CCSER1: variants seen among roughly 807,000 people sequenced by gnomAD.
The protein encoded by CCSER1 is serine-rich coiled-coil domain-containing protein 1.
A neutral mutation model predicts 82.0 loss-of-function variants in CCSER1; 41 were observed. The ratio of observed to expected loss-of-function variants is 0.50; its 90% confidence interval spans 0.39 to 0.65. The LOEUF is 0.65. CCSER1 is among the 30% of genes least tolerant of loss of function. CCSER1 has a pLI of 0.00. For synonymous variants in CCSER1, 414 were observed against 383.9 expected (o/e 1.08, Z -0.92); for missense variants, 1,119 against 1,064.2 (o/e 1.05, Z -0.72).
intron 10 of CCSER1, among the ~76,000 whole-genome samples, chr4:91,406,476 C>T (rs185515652): frequency 5.9e-5 from 9 of 152,136 alleles, no homozygotes; most frequent in East Asian, 1.9e-4. Context: ...AATAATATGT[C>T]GACTCTTTAA....
intron 1 of CCSER1, among the ~76,000 whole-genome samples, chr4:90,291,604 A>G (rs1009098707): frequency 2.0e-5 from 3 of 152,046 alleles, no homozygotes; most frequent in African/African-American, 7.2e-5. Context: ...CAAAGAAGAC[A>G]ATTTACTGAA....
At chr4:91,169,911 A>T (rs920309075) in intron 10 of CCSER1, among the ~76,000 whole-genome samples, 2 of 152,328 alleles carry the variant, frequency 1.3e-5, no homozygotes, top group Non-Finnish European at 2.9e-5. Context: ...GAAAAATTCC[A>T]TATCTAGGCC....
chr4:90,192,316 C>T lies in CCSER1; in HGVS notation c.-42+64485C>T, dbSNP rs1233109835. The stretch of plus-strand genomic sequence containing the variant: ...TGCCCCATGATTCAATCACCTCCCA[C>T]CTGGTCCCTCCCACAACACGTGGGA... On this transcript the variant is annotated intron_variant, in intron 1 of 10. Coordinates refer to ENST00000509176, the MANE Select transcript of CCSER1 (RefSeq NM_001145065.2). 2.0e-5 allele frequency among the ~76,000 whole-genome samples: 3 copies of T among 152,024 alleles called. No individual in the cohort carries two copies. The East Asian group carries it at 5.8e-4, about 30-fold the overall frequency.
chr4:90,370,786 G>T (rs74891054), intron 3 of CCSER1, among the ~76,000 whole-genome samples: 13,974 of 151,908 alleles, frequency 0.092, 907 homozygotes, highest in Middle Eastern at 0.16. Context: ...GGTTCCAAAG[G>T]ATTCTGCAGA....
At chr4:91,070,662 A>C (rs1342640074) in intron 9 of CCSER1, among the ~76,000 whole-genome samples, 1 of 152,076 alleles carries the variant, frequency 6.6e-6, no homozygotes, top group Non-Finnish European at 1.5e-5. Context: ...CATGCAAGGG[A>C]TCTTGGTTGG....
intron 9 of CCSER1, among the ~76,000 whole-genome samples, chr4:91,018,287 A>G (rs771725818): frequency 6.6e-6 from 1 of 152,110 alleles, no homozygotes; most frequent in Non-Finnish European, 1.5e-5. Context: ...AAATGGTACC[A>G]CTGAAGCTAG....
At chr4:90,740,661 G>C (rs1273682017) in intron 7 of CCSER1, among the ~76,000 whole-genome samples, 1 of 152,070 alleles carries the variant, frequency 6.6e-6, no homozygotes, top group South Asian at 2.1e-4. Context: ...AAAAATAATG[G>C]CATACCTCTT....
chr4:91,317,643 T>A (rs1048220478), intron 10 of CCSER1, among the ~76,000 whole-genome samples: 1 of 148,318 alleles, frequency 6.7e-6, no homozygotes, highest in Admixed American at 6.7e-5. Flanking sequence ...GGTGCATGCA[T>A]AATCTAAGGT....
At chr4:90,508,965 T>C (rs1771099519) in intron 5 of CCSER1, among the ~76,000 whole-genome samples, 1 of 152,086 alleles carries the variant, frequency 6.6e-6, no homozygotes, top group African/African-American at 2.4e-5. Flanking sequence ...TTTTAATATA[T>C]TTCTTTTTTA....
chr4:90,844,185 A>C lies in CCSER1; in HGVS notation c.2094+28340A>C, dbSNP rs944419436. Among the ~76,000 whole-genome samples the C allele has an allele frequency of 7.2e-5, 11 of 151,946 alleles. No homozygotes were observed. The East Asian group carries it at 1.9e-3, about 27-fold the overall frequency. ...AGATAGATAGATAGAGAATATATAC[A>C]TAGATATAGATTGAGAATATATATA... On this transcript the variant is annotated intron_variant, in intron 8 of 10. Coordinates refer to ENST00000509176, the MANE Select transcript of CCSER1 (RefSeq NM_001145065.2).
chr4:91,372,147 T>C (rs1750090064), intron 10 of CCSER1, among the ~76,000 whole-genome samples: 1 of 152,206 alleles, frequency 6.6e-6, no homozygotes, highest in Non-Finnish European at 1.5e-5. Context: ...TGATTAAAAG[T>C]GTAATCATGC....
chr4:90,905,527 A>T (rs1725341317), intron 8 of CCSER1, among the ~76,000 whole-genome samples: 1 of 152,080 alleles, frequency 6.6e-6, no homozygotes, highest in Non-Finnish European at 1.5e-5. Flanking sequence ...TTCTTCACTA[A>T]GGCCCACCAT....
intron 7 of CCSER1, among the ~76,000 whole-genome samples, chr4:90,753,487 A>C (rs928565172): frequency 6.6e-6 from 1 of 152,128 alleles, no homozygotes; most frequent in Admixed American, 6.6e-5. Flanking sequence ...TTGATTTTTC[A>C]TACTCTTTCT....
intron 1 of CCSER1, among the ~76,000 whole-genome samples, chr4:90,192,433 A>G (rs551641762): frequency 6.6e-6 from 1 of 152,052 alleles, no homozygotes; most frequent in Non-Finnish European, 1.5e-5. Context: ...TTCAGTAGAC[A>G]TTTAGTTCAT....
At chr4:90,838,484 A>AT (rs58906089) in intron 8 of CCSER1, among the ~76,000 whole-genome samples, 7 of 105,488 alleles carry the variant, frequency 6.6e-5, no homozygotes, top group Admixed American at 4.7e-4. Flanking sequence ...ATTTCATAAT[A>AT]TTTTTTTTAA....
Position 91,146,866 on chromosome 4 carries a change from T to G in CCSER1, c.2217+60872T>G, listed in dbSNP as rs115334312. 4.4e-3 allele frequency among the ~76,000 whole-genome samples: 672 copies of G among 152,242 alleles called. 8 individuals carry two copies. The highest frequency in any genetic ancestry group is 0.015 in the African/African-American group (619 of 41,548). On this transcript the variant is annotated intron_variant, in intron 10 of 10. Transcript: ENST00000509176. Reference sequence around the variant, plus strand: ...AAGGGTAGGCTCTTAGCTGCGTGCCTGTTTTGCATTTCAGTGTGTATGCAG... The same window carrying G: ...AAGGGTAGGCTCTTAGCTGCGTGCCGGTTTTGCATTTCAGTGTGTATGCAG...
intron 9 of CCSER1, among the ~76,000 whole-genome samples, chr4:90,946,751 T>C (rs183541377): frequency 1.3e-5 from 2 of 152,216 alleles, no homozygotes; most frequent in African/African-American, 4.8e-5. Context: ...GCAGTCTTGA[T>C]TTCAGATTTT....
intron 1 of CCSER1, among the ~76,000 whole-genome samples, chr4:90,208,583 T>G (rs1335582089): frequency 6.6e-6 from 1 of 152,060 alleles, no homozygotes; most frequent in Non-Finnish European, 1.5e-5. Flanking sequence ...GCTCAATGTC[T>G]GCCCAAACGG....
At chr4:91,043,746 A>G (rs1396924243) in intron 9 of CCSER1, among the ~76,000 whole-genome samples, 2 of 151,982 alleles carry the variant, frequency 1.3e-5, no homozygotes, top group Admixed American at 6.6e-5. Context: ...ATGTGCCACC[A>G]TGCCCAGCTA....
Sources: gnomAD v4.1 joint callset for allele counts (sites outside exome capture counted in the v4.1 genomes callset) on GRCh38, gnomAD v4.1.1 for gene constraint, MANE v1.5 for transcripts, NCBI Gene and HGNC (gene_info 2026-07-23, HGNC 2026-07-21) for gene names.